Variants in TNRC6B observed in about 807,000 individuals in gnomAD.
The protein encoded by TNRC6B is trinucleotide repeat containing adaptor 6B, also known as trinucleotide repeat-containing gene 6B protein.
A neutral mutation model predicts 203.6 loss-of-function variants in TNRC6B; 52 were observed. The ratio of observed to expected loss-of-function variants is 0.26; its 90% CI spans 0.20 to 0.32. TNRC6B has a LOEUF of 0.32. Ranked by LOEUF, TNRC6B falls within the 10% of genes least tolerant of loss-of-function variation. The probability of loss-of-function intolerance (pLI) is 1.00; values close to 1 mark genes in which losing one functional copy is unlikely to be tolerated. For missense variants in TNRC6B, 1,923 were observed against 2,286.2 expected, an observed-to-expected ratio of 0.84 and a Z score of 3.24; for synonymous variants, 838 against 845.7, an observed-to-expected ratio of 0.99 and a Z score of 0.16.
intron 1 of TNRC6B, among the ~76,000 whole-genome samples, chr22:40,096,772 G>C (rs1377738852): frequency 6.6e-6 from 1 of 152,188 alleles, no homozygotes; most frequent in East Asian, 1.9e-4. Context: ...GCTTTTAGAA[G>C]GGGAGGTTTT....
intron 1 of TNRC6B, among the ~76,000 whole-genome samples, chr22:40,205,724 G>A (rs2069469487): frequency 6.6e-6 from 1 of 152,134 alleles, no homozygotes; most frequent in Non-Finnish European, 1.5e-5. Flanking sequence ...TGAAAGTGTT[G>A]AGTGTTTATC....
chr22:40,107,111 A>G (rs1468523935), intron 1 of TNRC6B: 1 of 635,444 alleles, frequency 1.6e-6, no homozygotes, highest in Non-Finnish European at 2.8e-6. Context: ...ATGAACAAAT[A>G]CTCTTAATTT....
At chr22:40,316,104 A>C (rs1051862524) in intron 21 of TNRC6B, 92 bp downstream of exon 21, 50 of 1,236,982 alleles carry the variant, frequency 4.0e-5, no homozygotes, top group Non-Finnish European at 5.6e-5. Flanking sequence ...CCTGTAATCC[A>C]AGCACTTTGG....
chr22:40,107,779 G>T (rs141139346), intron 1 of TNRC6B, among the ~76,000 whole-genome samples: 1 of 151,876 alleles, frequency 6.6e-6, no homozygotes, highest in East Asian at 1.9e-4. Flanking sequence ...TTTAACTAAG[G>T]CAGTGGCTAC....
chr22:40,263,852 C>T (rs866181498), intron 4 of TNRC6B, among the ~76,000 whole-genome samples: 2 of 152,160 alleles, frequency 1.3e-5, no homozygotes, highest in African/African-American at 2.4e-5. Flanking sequence ...ATGCTTACTC[C>T]GCAGCATTGT....
intron 2 of TNRC6B, among the ~76,000 whole-genome samples, chr22:40,250,967 T>A (rs1404992884): frequency 6.6e-6 from 1 of 150,714 alleles, no homozygotes; most frequent in Admixed American, 6.6e-5. Flanking sequence ...TTACTATTCT[T>A]CCTAATGGTG....
At chr22:40,075,156 A>ATTTTTTTTTTTTTTTTTTTTT (rs58240994) in intron 1 of TNRC6B, among the ~76,000 whole-genome samples, 72 of 35,568 alleles carry the variant, frequency 2.0e-3, no homozygotes, top group Non-Finnish European at 3.0e-3. Context: ...ATATATATAT[A>ATTTTTTTTTTTTTTTTTTTTT]TTTTTTTTTT....
intron 1 of TNRC6B, among the ~76,000 whole-genome samples, chr22:40,071,001 A>G (rs2067942176): frequency 6.6e-6 from 1 of 152,190 alleles, no homozygotes; most frequent in Non-Finnish European, 1.5e-5. Flanking sequence ...AATTCCAGAA[A>G]AGTTTTGGTT....
intron 1 of TNRC6B, among the ~76,000 whole-genome samples, chr22:40,086,998 C>G (rs1030135833): frequency 6.6e-6 from 1 of 152,172 alleles, no homozygotes; most frequent in Non-Finnish European, 1.5e-5. Flanking sequence ...GTAGGCTCCC[C>G]TCTCACAGAC....
intron 4 of TNRC6B, among the ~76,000 whole-genome samples, chr22:40,170,992 TATATATATAC>T (rs1375904372): frequency 6.8e-6 from 1 of 147,402 alleles, no homozygotes; most frequent in East Asian, 2.0e-4. Context: ...CATATATGTG[TATATATATAC>T]ACATATACCT....
Position 40,315,301 on chromosome 22 carries a change from A to G in TNRC6B, c.4697A>G (p.Lys1566Arg). 1.2e-6 allele frequency: 2 copies of G among 1,613,988 alleles called. No individual in the cohort carries two copies. Among genetic ancestry groups the G allele is most frequent in the Non-Finnish European group, 1.7e-6 (2 of 1,179,878 alleles). ...HSTSAKFPDY[K>R]STWSPDPIGH... is the part of the protein sequence containing the mutation. ...CTTACAGCAAAGTTCCCTGATTACA[A>G]ATCAACATGGTCCCCAGATCCCATA... Residue 1566 changes from lysine (K) to arginine (R), a missense_variant, in exon 20 of 23, where the codon AAA becomes AGA. This residue lies in a region of TNRC6B where 159 missense variants were observed against 181.0 expected (regional missense o/e 0.88). Transcript: ENST00000454349.
chr22:40,125,865 C>A (rs367741179), intron 3 of TNRC6B: 23 of 1,610,922 alleles, frequency 1.4e-5, no homozygotes, highest in East Asian at 2.2e-5. Context: ...GTTCCAAGGT[C>A]AGTAAATTAC....
chr22:40,266,464 G>C lies in TNRC6B; in HGVS notation c.2234G>C (p.Gly745Ala), dbSNP rs372960539. The change falls in exon 5 of 23, where the codon GGA becomes GCA. Residue 745 changes from glycine to alanine, a missense_variant. Coordinates refer to ENST00000454349, the MANE Select transcript of TNRC6B (RefSeq NM_001162501.2). ...CAGCCCAATCAAGGATGGTCTTCTGGAAAGAATGGTTGGGGGGAGGAAGTC... is the reference window on the plus strand; with the variant it reads ...CAGCCCAATCAAGGATGGTCTTCTGCAAAGAATGGTTGGGGGGAGGAAGTC... Reference protein sequence around the residue: ...GRQPNQGWSSGKNGWGEEVDQ... With the variant: ...GRQPNQGWSSAKNGWGEEVDQ... 1.5e-5 allele frequency: 24 copies of C among 1,613,720 alleles called. No individual in the cohort carries two copies. The highest frequency in any genetic ancestry group is 2.7e-5 in the African/African-American group (2 of 74,908).
chr22:40,318,286 A>G (rs758662530), intron 21 of TNRC6B, among the ~76,000 whole-genome samples: 22 of 152,106 alleles, frequency 1.4e-4, no homozygotes, highest in Admixed American at 3.9e-4. Context: ...GGTGGCTCAC[A>G]CCTGTAATCC....
At chr22:40,308,403 ACT>A (rs1207150774) in intron 15 of TNRC6B, 107 bp from the exon 16 acceptor site, 2 of 1,275,992 alleles carry the variant, frequency 1.6e-6, no homozygotes, top group Non-Finnish European at 2.3e-6. Flanking sequence ...GAGTGGAGAA[ACT>A]CTGTGAATTA....
chr22:40,242,472 C>A (rs1458743908), intron 1 of TNRC6B, among the ~76,000 whole-genome samples: 1 of 151,756 alleles, frequency 6.6e-6, no homozygotes, highest in African/African-American at 2.4e-5. Flanking sequence ...CTCTTGTTGC[C>A]CAGGCTGGAG....
chr22:40,142,302 T>C (rs2068651276), intron 3 of TNRC6B, among the ~76,000 whole-genome samples: 1 of 151,706 alleles, frequency 6.6e-6, no homozygotes, highest in Non-Finnish European at 1.5e-5. Flanking sequence ...CCTCAAGTGA[T>C]CTTCATACCT....
intron 3 of TNRC6B, among the ~76,000 whole-genome samples, chr22:40,146,224 T>G (rs1354988203): frequency 1.3e-5 from 2 of 152,072 alleles, no homozygotes; most frequent in Non-Finnish European, 2.9e-5. Flanking sequence ...AGACAGACAA[T>G]AAGACACATG....
chr22:40,250,375 C>G (rs930561706), intron 2 of TNRC6B, among the ~76,000 whole-genome samples: 1 of 152,162 alleles, frequency 6.6e-6, no homozygotes, highest in African/African-American at 2.4e-5. Flanking sequence ...TCCAAACTCT[C>G]TGAAGTCCAT....
Sources: allele counts gnomAD v4.1 joint callset (sites outside exome capture counted in the v4.1 genomes callset), GRCh38; gene constraint gnomAD v4.1.1; regional missense constraint gnomAD v4.1.1; transcripts MANE v1.5; gene names NCBI Gene and HGNC (gene_info 2026-07-23, HGNC 2026-07-21).